DLG2: variants seen among roughly 807,000 people sequenced by gnomAD.
DLG2 encodes the protein disks large homolog 2.
A neutral mutation model predicts 132.5 loss-of-function variants in DLG2; 45 were observed. That is an observed-to-expected ratio of 0.34 (90% confidence interval 0.27 to 0.44). DLG2 has a LOEUF of 0.44. DLG2 is among the 20% of genes least tolerant of loss of function. The probability of loss-of-function intolerance (pLI) is 1.00; values close to 1 mark genes in which losing one functional copy is unlikely to be tolerated. For missense variants in DLG2, 1,045 were observed against 1,196.9 expected, an observed-to-expected ratio of 0.87 and a Z score of 1.87; for synonymous variants, 424 against 419.6, an observed-to-expected ratio of 1.01 and a Z score of -0.13.
chr11:83,822,992 C>A (rs1048754887), intron 17 of DLG2, among the ~76,000 whole-genome samples: 1 of 152,118 alleles, frequency 6.6e-6, no homozygotes, highest in Non-Finnish European at 1.5e-5. Context: ...TTGAATAAAA[C>A]AGCAGCATGA....
intron 7 of DLG2, among the ~76,000 whole-genome samples, chr11:84,457,735 A>G (rs1438944855): frequency 1.3e-5 from 2 of 150,918 alleles, no homozygotes; most frequent in African/African-American, 4.8e-5. Context: ...CGTTTTTTCA[A>G]ACGAACTAAA....
In DLG2 at chr11:84,044,291, C is replaced by T. The variant is rs77209284; in HGVS notation, c.919+15024G>A. Among the ~76,000 whole-genome samples, 551 of 151,882 alleles carry T rather than the reference C, an allele frequency of 3.6e-3. 18 individuals carry two copies. The East Asian group carries it at 0.081, about 22-fold the overall frequency. On this transcript the variant is annotated intron_variant, in intron 11 of 27. Coordinates refer to ENST00000376104, the MANE Select transcript of DLG2 (RefSeq NM_001142699.3). ...CTTAATAGATTAGATTACAATAATA[C>T]GCTTCTTTCTGGTTTTGATTGCGGC...
At chr11:85,206,972 A>G (rs769076863) in intron 4 of DLG2, among the ~76,000 whole-genome samples, 1 of 152,184 alleles carries the variant, frequency 6.6e-6, no homozygotes, top group Admixed American at 6.5e-5. Flanking sequence ...TCATAGCTAC[A>G]CTTACCATAG....
chr11:84,305,967 C>G (rs2098213438), intron 7 of DLG2, among the ~76,000 whole-genome samples: 1 of 152,064 alleles, frequency 6.6e-6, no homozygotes, highest in Non-Finnish European at 1.5e-5. Context: ...TTAAAAACAA[C>G]TTTATTAATG....
intron 16 of DLG2, among the ~76,000 whole-genome samples, chr11:83,860,506 T>A (rs2061283980): frequency 6.6e-6 from 1 of 152,146 alleles, no homozygotes; most frequent in South Asian, 2.1e-4. Context: ...ATTTCTCCCA[T>A]TGAGAATGGC....
chr11:83,874,218 AAAG>A (rs1386068358), intron 16 of DLG2, among the ~76,000 whole-genome samples, 199 bp downstream of exon 16: 4 of 150,718 alleles, frequency 2.7e-5, no homozygotes, highest in Admixed American at 1.3e-4. Flanking sequence ...AGACAGAAAA[AAAG>A]AAAGAAAGAA....
At chr11:85,018,869 C>G (rs2059796050) in intron 6 of DLG2, among the ~76,000 whole-genome samples, 1 of 150,728 alleles carries the variant, frequency 6.6e-6, no homozygotes, top group Admixed American at 6.6e-5. Flanking sequence ...AAACATCAGG[C>G]TGTTCAAAAA....
intron 9 of DLG2, among the ~76,000 whole-genome samples, chr11:84,107,328 T>C (rs1334148051): frequency 6.6e-6 from 1 of 152,068 alleles, no homozygotes; most frequent in Admixed American, 6.6e-5. Flanking sequence ...CATGAAAAGA[T>C]CTTTACAAAA....
At chr11:85,590,052 T>C (rs1038038656) in intron 3 of DLG2, among the ~76,000 whole-genome samples, 1 of 152,184 alleles carries the variant, frequency 6.6e-6, no homozygotes, top group African/African-American at 2.4e-5. Flanking sequence ...AAAGGACTCA[T>C]CACAATTATA....
chr11:85,227,297 A>G (rs72947951), intron 4 of DLG2, among the ~76,000 whole-genome samples: 4,642 of 152,198 alleles, frequency 0.03, 137 homozygotes, highest in East Asian at 0.11. Flanking sequence ...GTAATCTAAA[A>G]TCAAGAAAAA....
chr11:84,788,651 C>T (rs934757730), intron 6 of DLG2, among the ~76,000 whole-genome samples: 6 of 152,008 alleles, frequency 3.9e-5, no homozygotes, highest in Non-Finnish European at 4.4e-5. Flanking sequence ...ATGTCATATA[C>T]TAAATAATAC....
At chr11:84,000,880 A>G (rs2094310967) in intron 11 of DLG2, among the ~76,000 whole-genome samples, 1 of 152,158 alleles carries the variant, frequency 6.6e-6, no homozygotes, top group Non-Finnish European at 1.5e-5. Flanking sequence ...CTGGAAGGAA[A>G]AGGACACATC....
Position 84,738,767 on chromosome 11 carries a change from G to A in DLG2, c.358-204036C>T, listed in dbSNP as rs2064198887. ...AAATGTATTGTACAACACAGCCATT[G>A]CATTTCTAGGTATTCAAGAGAAATG... On this transcript the variant is annotated intron_variant, in intron 6 of 27. Coordinates refer to ENST00000376104, the MANE Select transcript of DLG2 (RefSeq NM_001142699.3). 4.6e-5 allele frequency among the ~76,000 whole-genome samples: 7 copies of A among 152,252 alleles called. 1 individual carries two copies. In the South Asian group the frequency reaches 1.4e-3, roughly 32 times the overall value.
chr11:84,594,658 A>T (rs1289561540), intron 6 of DLG2, among the ~76,000 whole-genome samples: 1 of 152,218 alleles, frequency 6.6e-6, no homozygotes, highest in African/African-American at 2.4e-5. Flanking sequence ...AATGGCATGC[A>T]AAACAAACAG....
intron 10 of DLG2, among the ~76,000 whole-genome samples, chr11:84,083,804 C>G (rs1433469885): frequency 6.6e-6 from 1 of 152,124 alleles, no homozygotes; most frequent in South Asian, 2.1e-4. Flanking sequence ...TATCCTGTTA[C>G]AGTAACCAAA....
intron 6 of DLG2, among the ~76,000 whole-genome samples, chr11:84,731,807 T>C (rs2063186276): frequency 6.6e-6 from 1 of 152,034 alleles, no homozygotes; most frequent in East Asian, 1.9e-4. Context: ...CTGGAAATAT[T>C]TACATTTAAA....
intron 17 of DLG2, among the ~76,000 whole-genome samples, chr11:83,789,512 C>A (rs762975133): frequency 4.6e-5 from 7 of 151,780 alleles, no homozygotes; most frequent in Admixed American, 6.5e-5. Flanking sequence ...ACCCAAGACA[C>A]CTTGCTGACA....
chr11:85,217,715 GTC>G (rs1206739276), intron 4 of DLG2, among the ~76,000 whole-genome samples: 1 of 152,162 alleles, frequency 6.6e-6, no homozygotes, highest in African/African-American at 2.4e-5. Flanking sequence ...TTACACCACA[GTC>G]TCTCCTGATT....
intron 9 of DLG2, among the ~76,000 whole-genome samples, chr11:84,125,370 C>G (rs998600312): frequency 2.6e-5 from 4 of 152,126 alleles, no homozygotes; most frequent in African/African-American, 9.7e-5. Context: ...CCATGTACTT[C>G]CGATGGTGCT....
Sources: allele counts gnomAD v4.1 joint callset (sites outside exome capture counted in the v4.1 genomes callset), GRCh38; gene constraint gnomAD v4.1.1; transcripts MANE v1.5; gene names NCBI Gene and HGNC (gene_info 2026-07-23, HGNC 2026-07-21).